Variants in FOXN3 observed in about 807,000 individuals in gnomAD.
FOXN3 encodes the protein forkhead box protein N3.
In FOXN3, 7 loss-of-function variants were observed where a neutral mutation model predicts 38.4. The observed-to-expected ratio is 0.18, with a 90% confidence interval of 0.10 to 0.34. FOXN3 has a LOEUF of 0.34. FOXN3 is among the 10% of genes least tolerant of loss of function. The probability of loss-of-function intolerance (pLI) is 1.00; values close to 1 mark genes in which losing one functional copy is unlikely to be tolerated. For synonymous variants in FOXN3, 230 were observed against 242.2 expected, an observed-to-expected ratio of 0.95 and a Z score of 0.47; for missense variants, 456 against 613.4, an observed-to-expected ratio of 0.74 and a Z score of 2.71.
At chr14:89,206,500 G>A (rs192495513) in intron 4 of FOXN3, among the ~76,000 whole-genome samples, 90 of 152,320 alleles carry the variant, frequency 5.9e-4, no homozygotes, top group African/African-American at 2.0e-3. Context: ...TAAGATCGAC[G>A]GAAGATGATG....
intron 3 of FOXN3, among the ~76,000 whole-genome samples, chr14:89,308,742 T>C (rs1352719224): frequency 1.3e-5 from 2 of 152,182 alleles, no homozygotes; most frequent in Non-Finnish European, 2.9e-5. Flanking sequence ...GAGTAGATTC[T>C]TTAAGGAGGA....
chr14:89,448,888 G>C (rs1049149449), intron 1 of FOXN3, among the ~76,000 whole-genome samples: 3 of 151,840 alleles, frequency 2.0e-5, no homozygotes, highest in Non-Finnish European at 4.4e-5. Context: ...GCTGTAGTGA[G>C]AGCTGTGATT....
chr14:89,234,383 G>A (rs10140764), intron 4 of FOXN3, among the ~76,000 whole-genome samples: 3,327 of 152,206 alleles, frequency 0.022, 124 homozygotes, highest in African/African-American at 0.076. Flanking sequence ...CAAGGCTTGT[G>A]GCTGCATCGC....
At chr14:89,321,293 A>T (rs1887888126) in intron 3 of FOXN3, among the ~76,000 whole-genome samples, 3 of 151,876 alleles carry the variant, frequency 2.0e-5, no homozygotes, top group Admixed American at 2.0e-4. Context: ...AAAATATATT[A>T]AAAAATAAAA....
chr14:89,186,535 T>C (rs1887813284), intron 4 of FOXN3, among the ~76,000 whole-genome samples: 1 of 151,990 alleles, frequency 6.6e-6, no homozygotes, highest in African/African-American at 2.4e-5. Context: ...CATAGCCATT[T>C]TGAGGGTGGA....
chr14:89,351,415 A>G (rs1888966690), intron 2 of FOXN3: 1 of 152,182 alleles, frequency 6.6e-6, no homozygotes, highest in Non-Finnish European at 1.5e-5. Flanking sequence ...AGAATCCACT[A>G]TTTATTTTTT....
At chr14:89,394,729 T>A (rs1379565819) in intron 2 of FOXN3, among the ~76,000 whole-genome samples, 2 of 152,234 alleles carry the variant, frequency 1.3e-5, no homozygotes, top group Non-Finnish European at 2.9e-5. Context: ...ATTCCAGGAA[T>A]AGGATACCTG....
At chr14:89,185,784 A>C (rs1241100372) in intron 4 of FOXN3, 1 of 152,286 alleles carries the variant, frequency 6.6e-6, no homozygotes, top group East Asian at 1.9e-4. Flanking sequence ...CGTTCTCTGC[A>C]GTTAGAGAGG....
chr14:89,408,093 A>AT (rs1244895002), intron 2 of FOXN3, among the ~76,000 whole-genome samples: 2 of 152,194 alleles, frequency 1.3e-5, no homozygotes, highest in Non-Finnish European at 2.9e-5. Flanking sequence ...CATTCATGAG[A>AT]ACATGCTCTT....
chr14:89,505,583 G>A (rs1893902458), intron 1 of FOXN3, among the ~76,000 whole-genome samples: 1 of 152,170 alleles, frequency 6.6e-6, no homozygotes, highest in East Asian at 1.9e-4. Flanking sequence ...AGTGCTCAAT[G>A]GTGCCCAGGC....
chr14:89,436,257 T>C (rs1284077726), intron 1 of FOXN3, among the ~76,000 whole-genome samples: 2 of 145,148 alleles, frequency 1.4e-5, no homozygotes, highest in Non-Finnish European at 3.0e-5. Context: ...CTTGGTTTTA[T>C]AGCCCTGGCC....
rs541906556 is a variant in FOXN3 at position 89,343,469 on chromosome 14, C to G, written c.680+7203G>C. Among the ~76,000 whole-genome samples the G allele has an allele frequency of 2.1e-3, 272 of 130,588 alleles. 1 individual carries two copies. Among genetic ancestry groups the G allele is most frequent in the African/African-American group, 7.6e-3 (260 of 34,208 alleles). 85.7% of individuals were successfully genotyped at this position (130,588 alleles called of 152,430 possible). The stretch of plus-strand genomic sequence containing the variant: ...AATTTCTATACCCTTAGCAGTATTA[C>G]TCTATGAAGACATTTAAATTAAAAA... On this transcript the variant is annotated intron_variant, in intron 3 of 5. Coordinates refer to ENST00000557258, the MANE Select transcript of FOXN3 (RefSeq NM_005197.4).
intron 4 of FOXN3, among the ~76,000 whole-genome samples, chr14:89,241,550 T>C (rs1885140492): frequency 6.6e-6 from 1 of 152,152 alleles, no homozygotes; most frequent in Admixed American, 6.5e-5. Context: ...AATCTCAGTT[T>C]CCTCCTATGT....
At chr14:89,442,077 C>T (rs976124608) in intron 1 of FOXN3, among the ~76,000 whole-genome samples, 1 of 152,110 alleles carries the variant, frequency 6.6e-6, no homozygotes, top group African/African-American at 2.4e-5. Context: ...CAGGCATGCG[C>T]CACCACGCTT....
intron 2 of FOXN3, among the ~76,000 whole-genome samples, chr14:89,389,079 A>C (rs1339419730): frequency 6.6e-6 from 1 of 152,146 alleles, no homozygotes; most frequent in Non-Finnish European, 1.5e-5. Flanking sequence ...TGAAAAGGAA[A>C]TGCTGATCCA....
In FOXN3 at chr14:89,587,512, G is replaced by A. The variant is rs151087121; in HGVS notation, c.-15+31516C>T. On this transcript the variant is annotated intron_variant, in intron 1 of 6. Coordinates refer to the FOXN3 transcript ENST00000345097. ...GGTGTATGCCTCATGTAAAGGCAAC[G>A]AAATTGAAAAAAAATTTAAACCACT... Among the ~76,000 whole-genome samples the A allele has an allele frequency of 3.1e-3, 464 of 151,986 alleles. 4 individuals are homozygous for A. Among genetic ancestry groups the A allele is most frequent in the African/African-American group, 0.011 (437 of 41,494 alleles).
chr14:89,455,730 G>A (rs906520159), intron 1 of FOXN3, among the ~76,000 whole-genome samples: 1 of 152,172 alleles, frequency 6.6e-6, no homozygotes, highest in Non-Finnish European at 1.5e-5. Flanking sequence ...CAAGGAGACA[G>A]CCCACCCTTT....
At chr14:89,411,392 T>C (rs1254981107) in intron 2 of FOXN3, among the ~76,000 whole-genome samples, 1 of 152,248 alleles carries the variant, frequency 6.6e-6, no homozygotes, top group African/African-American at 2.4e-5. Context: ...GACAGTCACC[T>C]GGGCAACTCA....
chr14:89,434,367 A>C (rs1020004861), intron 1 of FOXN3, among the ~76,000 whole-genome samples: 1 of 151,660 alleles, frequency 6.6e-6, no homozygotes, highest in African/African-American at 2.4e-5. Flanking sequence ...AGCTGGGATT[A>C]CAGGTGCCTG....
Sources: gnomAD v4.1 joint callset for allele counts (sites outside exome capture counted in the v4.1 genomes callset) on GRCh38, gnomAD v4.1.1 for gene constraint, MANE v1.5 for transcripts, NCBI Gene and HGNC (gene_info 2026-07-23, HGNC 2026-07-21) for gene names.